The following ADGRV1 variants were observed in gnomAD, a reference collection of about 807,000 sequenced individuals.
The protein encoded by ADGRV1 is adhesion G protein-coupled receptor V1.
In ADGRV1, 359 loss-of-function variants were observed where a neutral mutation model predicts 596.2. That is an observed-to-expected ratio of 0.60 (90% CI 0.55 to 0.66). ADGRV1 has a LOEUF of 0.66. Ranked by LOEUF, ADGRV1 falls within the 30% of genes least tolerant of loss-of-function variation. ADGRV1 has a pLI of 0.00. For synonymous variants in ADGRV1, 2,681 were observed against 2,679.2 expected, an observed-to-expected ratio of 1.00 and a Z score of -0.02; for missense variants, 7,274 against 7,575.6, an observed-to-expected ratio of 0.96 and a Z score of 1.48.
chr5:90,698,342 A>T (rs559171013), intron 34 of ADGRV1, among the ~76,000 whole-genome samples: 2 of 152,286 alleles, frequency 1.3e-5, no homozygotes, highest in East Asian at 1.9e-4. Context: ...GTCCTATGAT[A>T]TAGGTATAAT....
chr5:90,867,897 T>TA (rs796663096), intron 83 of ADGRV1, among the ~76,000 whole-genome samples: 122 of 152,308 alleles, frequency 8.0e-4, no homozygotes, highest in African/African-American at 2.8e-3. Flanking sequence ...TTTTGCTGAA[T>TA]AAAAAAGTAT....
intron 2 of ADGRV1, among the ~76,000 whole-genome samples, chr5:90,616,004 A>G (rs1220078731): frequency 6.6e-6 from 1 of 151,954 alleles, no homozygotes; most frequent in Admixed American, 6.6e-5. Context: ...TCGAATTGTT[A>G]AACGATTTTC....
chr5:91,057,791 C>T (rs1787020345), intron 85 of ADGRV1, among the ~76,000 whole-genome samples: 1 of 152,152 alleles, frequency 6.6e-6, no homozygotes, highest in African/African-American at 2.4e-5. Flanking sequence ...TGCTCTCTCT[C>T]CTTCTAACGG....
Position 90,704,425 on chromosome 5 carries a change from G to C in ADGRV1, c.8323G>C (p.Asp2775His), listed in dbSNP as rs2149687674. ...LNTTLFVHLL[D>H]DNIPEEKEVY... The stretch of plus-strand genomic sequence containing the variant: ...TACAACATTGTTTGTGCATTTGTTG[G>C]ATGACAACATTCCTGAGGAGAAAGA... Residue 2775 changes from aspartate to histidine, a missense_variant, in exon 36 of 90, where the codon GAT (aspartate) becomes CAT (histidine). By Grantham distance (81) the Asp-to-His change is moderately conservative (BLOSUM62 -1). This residue lies in a region of ADGRV1 where 3,643 missense variants were observed against 3,809.2 expected (regional missense o/e 0.96). Transcript: ENST00000405460. 6.3e-7 allele frequency: 1 copy of C among 1,583,290 alleles called. No homozygotes were observed. The highest frequency in any genetic ancestry group is 1.8e-5 in the Admixed American group (1 of 56,224).
At chr5:90,620,421 A>G (rs1266793973) in intron 4 of ADGRV1, among the ~76,000 whole-genome samples, 1 of 152,136 alleles carries the variant, frequency 6.6e-6, no homozygotes, top group Non-Finnish European at 1.5e-5. Context: ...GTCTGTTCAT[A>G]TCCTTTGCCC....
chr5:90,784,946 G>C (rs1227270888), intron 67 of ADGRV1, among the ~76,000 whole-genome samples: 1 of 152,152 alleles, frequency 6.6e-6, no homozygotes. Context: ...AACCAAAAAA[G>C]AGCCCACATT....
intron 75 of ADGRV1, among the ~76,000 whole-genome samples, chr5:90,817,809 T>G (rs1000154311): frequency 2.0e-4 from 31 of 152,338 alleles, no homozygotes; most frequent in Middle Eastern, 3.4e-3. Context: ...CTGTTTTGGT[T>G]ACTGTAGCCT....
chr5:90,708,179 C>T (rs553688402), intron 38 of ADGRV1, among the ~76,000 whole-genome samples: 1 of 152,184 alleles, frequency 6.6e-6, no homozygotes, highest in African/African-American at 2.4e-5. Context: ...ATGGATTTTG[C>T]TAATCCTTAT....
chr5:90,791,085 C>T lies in ADGRV1; in HGVS notation c.14256C>T (p.Phe4752=), dbSNP rs753503424. The change falls in exon 70 of 90, where the codon TTC becomes TTT. Residue 4752 remains phenylalanine (F), a synonymous_variant. Transcript: ENST00000405460. ...ELDLEKSITW[F]SVYANDDPHG... is the part of the protein sequence containing the mutation. ...ATCTGGAGAAGAGTATCACATGGTT[C>T]TCTGTTTATGCAAATGATGACCCAC... 7 of 1,613,786 alleles carry T rather than the reference C, an allele frequency of 4.3e-6. No individual in the cohort carries two copies. Among genetic ancestry groups the T allele is most frequent in the Admixed American group, 3.3e-5 (2 of 59,976 alleles).
intron 85 of ADGRV1, among the ~76,000 whole-genome samples, chr5:91,003,264 G>A (rs1781991991): frequency 6.6e-6 from 1 of 152,182 alleles, no homozygotes. Flanking sequence ...TTAATTGAGT[G>A]AATACCAGGT....
rs115531149 is a variant in ADGRV1, at chr5:90,583,261, G to A, written c.22+24344G>A. Among the ~76,000 whole-genome samples the A allele has an allele frequency of 3.5e-3, 535 of 151,956 alleles. 5 individuals carry two copies. The highest frequency in any genetic ancestry group is 0.011 in the African/African-American group (474 of 41,462). On this transcript the variant is annotated intron_variant, in intron 1 of 89. Transcript: ENST00000405460. ...ACTTTCCTGAAGCTTTTTAGCTTCCGAGAGACTTTACTTCATCTCATTTTT... is the reference window on the plus strand; with the variant it reads ...ACTTTCCTGAAGCTTTTTAGCTTCCAAGAGACTTTACTTCATCTCATTTTT...
intron 71 of ADGRV1, among the ~76,000 whole-genome samples, chr5:90,804,712 A>G (rs1173749096): frequency 1.3e-5 from 2 of 152,208 alleles, no homozygotes; most frequent in Non-Finnish European, 2.9e-5. Flanking sequence ...AACTTATTTC[A>G]TCTATAAATC....
intron 1 of ADGRV1, among the ~76,000 whole-genome samples, chr5:90,596,461 C>T (rs1454914468): frequency 2.6e-5 from 4 of 151,870 alleles, no homozygotes; most frequent in East Asian, 1.9e-4. Flanking sequence ...GAGGTTGTAG[C>T]GAGCCGAGAT....
intron 85 of ADGRV1, among the ~76,000 whole-genome samples, chr5:91,060,930 A>T (rs1787375855): frequency 6.6e-6 from 1 of 152,224 alleles, no homozygotes; most frequent in African/African-American, 2.4e-5. Context: ...CTTTTGAGGA[A>T]TCAAACCATT....
chr5:91,060,297 G>T (rs1787288314), intron 85 of ADGRV1, among the ~76,000 whole-genome samples: 1 of 151,718 alleles, frequency 6.6e-6, no homozygotes, highest in South Asian at 2.1e-4. Context: ...TATGGCTCCA[G>T]CCATCCTCCC....
At chr5:90,926,692 C>T (rs1347997650) in intron 83 of ADGRV1, among the ~76,000 whole-genome samples, 2 of 150,118 alleles carry the variant, frequency 1.3e-5, no homozygotes, top group Admixed American at 6.6e-5. Context: ...AATGTGTTTG[C>T]TCTTGCTTTT....
At chr5:90,691,204 A>AAGC in intron 31 of ADGRV1, 163 bp downstream of exon 31, 1 of 897,974 alleles carries the variant, frequency 1.1e-6, no homozygotes, top group Non-Finnish European at 1.8e-6. Context: ...CAGTTGACAA[A>AAGC]AGCAGGAATA....
At chr5:91,060,291 G>A (rs898688838) in intron 85 of ADGRV1, among the ~76,000 whole-genome samples, 1 of 151,752 alleles carries the variant, frequency 6.6e-6, no homozygotes, top group African/African-American at 2.4e-5. Flanking sequence ...CATGATTATG[G>A]CTCCAGCCAT....
intron 34 of ADGRV1, among the ~76,000 whole-genome samples, chr5:90,699,030 T>C (rs1460613319): frequency 6.6e-6 from 1 of 152,060 alleles, no homozygotes; most frequent in Non-Finnish European, 1.5e-5. Flanking sequence ...ATGACAAACA[T>C]AGAGGTCTTC....
Sources: gnomAD v4.1 joint callset for allele counts (sites outside exome capture counted in the v4.1 genomes callset) on GRCh38, gnomAD v4.1.1 for gene constraint, gnomAD v4.1.1 regional missense constraint, MANE v1.5 for transcripts, NCBI Gene and HGNC (gene_info 2026-07-23, HGNC 2026-07-21) for gene names.